Variants in TMEM117 observed in about 807,000 individuals in gnomAD.
The protein encoded by TMEM117 is transmembrane protein 117.
A neutral mutation model predicts 52.4 loss-of-function variants in TMEM117; 27 were observed. The observed-to-expected ratio is 0.51, with a 90% CI of 0.38 to 0.71. TMEM117 has a LOEUF of 0.71. Ranked by LOEUF, TMEM117 falls within the 30% of genes least tolerant of loss-of-function variation. TMEM117 has a pLI of 0.00. For missense variants in TMEM117, 556 were observed against 630.5 expected (o/e 0.88, Z 1.26); for synonymous variants, 215 against 206.3 (o/e 1.04, Z -0.36).
intron 4 of TMEM117, among the ~76,000 whole-genome samples, chr12:44,155,446 G>C (rs541192683): frequency 6.6e-6 from 1 of 152,188 alleles, no homozygotes; most frequent in African/African-American, 2.4e-5. Flanking sequence ...TGGTCATGCT[G>C]TGTATAATTT....
chr12:44,300,899 C>A (rs1950831272), intron 6 of TMEM117, among the ~76,000 whole-genome samples: 1 of 152,184 alleles, frequency 6.6e-6, no homozygotes, highest in Non-Finnish European at 1.5e-5. Flanking sequence ...TGTCACTAAG[C>A]TGTAGGACGT....
chr12:44,122,550 C>CT (rs966202661), intron 3 of TMEM117, among the ~76,000 whole-genome samples: 2 of 152,072 alleles, frequency 1.3e-5, no homozygotes, highest in African/African-American at 2.4e-5. Context: ...CTTCTTGATG[C>CT]TTTTTCTTCT....
chr12:44,341,360 G>A (rs1447599183), intron 6 of TMEM117, among the ~76,000 whole-genome samples: 1 of 151,992 alleles, frequency 6.6e-6, no homozygotes, highest in Non-Finnish European at 1.5e-5. Flanking sequence ...TATGGGTAAG[G>A]ATCTGTGGTA....
chr12:44,224,169 C>T (rs1172279971), intron 5 of TMEM117, among the ~76,000 whole-genome samples: 1 of 152,098 alleles, frequency 6.6e-6, no homozygotes, highest in Non-Finnish European at 1.5e-5. Flanking sequence ...TGCACAACCT[C>T]ATATATGCAC....
chr12:44,098,897 C>T (rs1947817896), intron 3 of TMEM117, among the ~76,000 whole-genome samples: 1 of 152,024 alleles, frequency 6.6e-6, no homozygotes, highest in South Asian at 2.1e-4. Context: ...ATAGTGGTTC[C>T]CTTGTGTCAT....
At chr12:43,819,530 T>G in the TMEM117 span, among the ~76,000 whole-genome samples, 1 of 152,112 alleles carries the variant, frequency 6.6e-6, no homozygotes. Context: ...ATCCCAGCGC[T>G]TTGGGAGGTT....
intron 4 of TMEM117, among the ~76,000 whole-genome samples, chr12:44,168,239 T>G (rs1286104334): frequency 6.9e-6 from 1 of 144,132 alleles, no homozygotes; most frequent in African/African-American, 2.8e-5. Context: ...AGCAACAGAG[T>G]GAGACCCCAT....
chr12:44,292,382 G>A (rs1406978943), intron 5 of TMEM117, among the ~76,000 whole-genome samples: 1 of 151,442 alleles, frequency 6.6e-6, no homozygotes, highest in Non-Finnish European at 1.5e-5. Flanking sequence ...TATCAATTTT[G>A]TTTATATTTT....
At chr12:43,968,902 C>T (rs1945528662) in intron 3 of TMEM117, among the ~76,000 whole-genome samples, 1 of 152,136 alleles carries the variant, frequency 6.6e-6, no homozygotes, top group Non-Finnish European at 1.5e-5. Flanking sequence ...ATTAAAATCA[C>T]TTAACACTTC....
chr12:44,226,829 G>T (rs575239681), intron 5 of TMEM117, among the ~76,000 whole-genome samples: 1 of 152,028 alleles, frequency 6.6e-6, no homozygotes. Flanking sequence ...TTGATTTGAG[G>T]CTTCTAGCCC....
intron 4 of TMEM117, among the ~76,000 whole-genome samples, chr12:44,189,354 A>G (rs940075890): frequency 2.0e-5 from 3 of 152,172 alleles, no homozygotes; most frequent in African/African-American, 4.8e-5. Context: ...TCTCTTCAGT[A>G]TGAAAGGATT....
intron 5 of TMEM117, among the ~76,000 whole-genome samples, chr12:44,233,170 AGAGTT>A (rs1398845824): frequency 6.6e-6 from 1 of 151,256 alleles, no homozygotes; most frequent in African/African-American, 2.4e-5. Flanking sequence ...TGAAATGAGA[AGAGTT>A]GAGTTGTTAC....
At chr12:44,009,747 G>T in intron 3 of TMEM117, 2 of 260,118 alleles carry the variant, frequency 7.7e-6, no homozygotes, top group South Asian at 7.4e-5. Context: ...TTCTTTGTTT[G>T]ACCAGGTTCT....
At chr12:44,189,282 A>G (rs948636414) in intron 4 of TMEM117, among the ~76,000 whole-genome samples, 3 of 152,174 alleles carry the variant, frequency 2.0e-5, no homozygotes, top group Non-Finnish European at 4.4e-5. Context: ...TCTTATTTCA[A>G]CTATATATGT....
the TMEM117 span, chr12:43,796,831 A>G: frequency 1.2e-6 from 1 of 803,468 alleles, no homozygotes; most frequent in South Asian, 1.8e-5. Context: ...GGTAGTTCCC[A>G]GGCACTTAGA....
intron 2 of TMEM117, among the ~76,000 whole-genome samples, chr12:43,903,614 G>T (rs993922688): frequency 2.6e-5 from 4 of 152,138 alleles, no homozygotes; most frequent in Non-Finnish European, 5.9e-5. Context: ...AGCATTTATA[G>T]CCTAAGATGT....
At chr12:43,862,051 G>C in intron 2 of TMEM117, among the ~76,000 whole-genome samples, 1 of 152,178 alleles carries the variant, frequency 6.6e-6, no homozygotes, top group South Asian at 2.1e-4. Context: ...CTCTTCCTTG[G>C]CTATCAGCAG....
At chr12:44,342,091 G>A (rs1263252266) in intron 6 of TMEM117, among the ~76,000 whole-genome samples, 8 of 152,044 alleles carry the variant, frequency 5.3e-5, no homozygotes, top group African/African-American at 1.2e-4. Context: ...TAAAACAAAC[G>A]TAAAGTATAT....
At chr12:44,081,395 G>A (rs895375324) in intron 3 of TMEM117, among the ~76,000 whole-genome samples, 2 of 152,246 alleles carry the variant, frequency 1.3e-5, no homozygotes, top group Middle Eastern at 6.8e-3. Context: ...GATGCATGGT[G>A]TTCCAGCTTT....
Sources: gnomAD v4.1 joint callset for allele counts (sites outside exome capture counted in the v4.1 genomes callset) on GRCh38, gnomAD v4.1.1 for gene constraint, MANE v1.5 for transcripts, NCBI Gene and HGNC (gene_info 2026-07-23, HGNC 2026-07-21) for gene names.